The following KCNQ3 variants were observed in gnomAD, a reference collection of about 807,000 sequenced individuals.
The protein encoded by KCNQ3 is potassium voltage-gated channel subfamily KQT member 3.
A neutral mutation model predicts 92.5 loss-of-function variants in KCNQ3; 30 were observed. The ratio of observed to expected loss-of-function variants is 0.32; its 90% confidence interval spans 0.24 to 0.44. The LOEUF is 0.44. KCNQ3 is among the 20% of genes least tolerant of loss of function. The pLI is 1.00. For synonymous variants in KCNQ3, 450 were observed against 468.8 expected, an observed-to-expected ratio of 0.96 and a Z score of 0.52; for missense variants, 913 against 1,140.3, an observed-to-expected ratio of 0.80 and a Z score of 2.87.
chr8:132,208,767 C>G (rs1001128156), intron 1 of KCNQ3, among the ~76,000 whole-genome samples: 2 of 152,142 alleles, frequency 1.3e-5, no homozygotes, highest in African/African-American at 4.8e-5. Context: ...AATCAAAAGA[C>G]TTCTTAGAGC....
At chr8:132,245,733 T>C (rs1815151518) in intron 1 of KCNQ3, among the ~76,000 whole-genome samples, 1 of 152,176 alleles carries the variant, frequency 6.6e-6, no homozygotes, top group Admixed American at 6.5e-5. Flanking sequence ...TATTAGAACA[T>C]TTAGATTATC....
chr8:132,433,204 A>T (rs571766002), intron 1 of KCNQ3, among the ~76,000 whole-genome samples: 1 of 152,178 alleles, frequency 6.6e-6, no homozygotes, highest in African/African-American at 2.4e-5. Flanking sequence ...ACTCATCTGG[A>T]TCATTAGCCC....
chr8:132,276,543 C>A (rs76314544), intron 1 of KCNQ3, among the ~76,000 whole-genome samples: 2,748 of 152,286 alleles, frequency 0.018, 80 homozygotes, highest in African/African-American at 0.063. Context: ...ACAAGGCAGC[C>A]CATTCTAATT....
intron 1 of KCNQ3, among the ~76,000 whole-genome samples, chr8:132,270,341 A>G (rs948403582): frequency 1.3e-5 from 2 of 152,228 alleles, no homozygotes; most frequent in African/African-American, 2.4e-5. Flanking sequence ...ATACGCAGGA[A>G]GTCCTAGTCA....
At chr8:132,356,106 T>C (rs1292403468) in intron 1 of KCNQ3, among the ~76,000 whole-genome samples, 1 of 152,186 alleles carries the variant, frequency 6.6e-6, no homozygotes, top group East Asian at 1.9e-4. Flanking sequence ...CACAGGGCCA[T>C]TGGTGGATCT....
intron 1 of KCNQ3, 72 bp from the exon 2 acceptor site, chr8:132,186,253 G>GGT: frequency 9.1e-7 from 1 of 1,095,558 alleles, no homozygotes; most frequent in Non-Finnish European, 1.4e-6. Context: ...GATGGGGAAA[G>GGT]GTGTCTTCCA....
chr8:132,191,265 AG>A (rs1480711609), intron 1 of KCNQ3, among the ~76,000 whole-genome samples: 1 of 152,096 alleles, frequency 6.6e-6, no homozygotes, highest in Non-Finnish European at 1.5e-5. Flanking sequence ...TCCCATCTGT[AG>A]TAGCTGGGAC....
intron 9 of KCNQ3, among the ~76,000 whole-genome samples, chr8:132,160,560 GTAT>G (rs138692504): frequency 6.6e-6 from 1 of 152,192 alleles, no homozygotes; most frequent in African/African-American, 2.4e-5. Flanking sequence ...ATGTAAATAT[GTAT>G]TATATTTATG....
intron 1 of KCNQ3, among the ~76,000 whole-genome samples, chr8:132,272,375 G>A (rs1563834745): frequency 1.3e-5 from 2 of 152,212 alleles, no homozygotes; most frequent in Non-Finnish European, 2.9e-5. Context: ...CATGGCCAAA[G>A]CTACCCTTTC....
At chr8:132,134,495 A>AAGTGG in intron 12 of KCNQ3, 107 bp from the exon 13 acceptor site, 1 of 791,206 alleles carries the variant, frequency 1.3e-6, no homozygotes, top group Non-Finnish European at 2.1e-6. Context: ...TGGAATATAT[A>AAGTGG]AGAGGAGAGG....
chr8:132,208,100 C>T (rs1443243975), intron 1 of KCNQ3, among the ~76,000 whole-genome samples: 1 of 152,112 alleles, frequency 6.6e-6, no homozygotes. Context: ...TTTATATTTA[C>T]TTTCACAGTC....
chr8:132,207,341 C>T (rs567869614), intron 1 of KCNQ3, among the ~76,000 whole-genome samples: 1 of 152,286 alleles, frequency 6.6e-6, no homozygotes, highest in East Asian at 1.9e-4. Context: ...TGTATTGCTG[C>T]TTTAACAGGT....
intron 1 of KCNQ3, among the ~76,000 whole-genome samples, chr8:132,276,118 A>T (rs1816321867): frequency 6.6e-6 from 1 of 152,170 alleles, no homozygotes; most frequent in Non-Finnish European, 1.5e-5. Context: ...TGATTCTAGG[A>T]CTGCTGTTTC....
chr8:132,366,792 C>T (rs188955711), intron 1 of KCNQ3, among the ~76,000 whole-genome samples: 24 of 152,158 alleles, frequency 1.6e-4, no homozygotes, highest in African/African-American at 5.8e-4. Flanking sequence ...TGTTACATAC[C>T]AGAACAAATT....
At chr8:132,203,346 G>A (rs1416163695) in intron 1 of KCNQ3, among the ~76,000 whole-genome samples, 3 of 152,152 alleles carry the variant, frequency 2.0e-5, no homozygotes, top group Non-Finnish European at 4.4e-5. Context: ...CAAGCATCAT[G>A]AGGAGCTCCT....
chr8:132,440,333 G>A (rs373807480), intron 1 of KCNQ3, among the ~76,000 whole-genome samples: 77 of 152,182 alleles, frequency 5.1e-4, no homozygotes, highest in African/African-American at 1.7e-3. Context: ...TCTTTCCACC[G>A]TTTTCCCTGC....
At chr8:132,213,859 G>A (rs1192278564) in intron 1 of KCNQ3, among the ~76,000 whole-genome samples, 4 of 152,180 alleles carry the variant, frequency 2.6e-5, no homozygotes, top group African/African-American at 9.7e-5. Flanking sequence ...TTATGAAACT[G>A]CATGAGAAAT....
intron 1 of KCNQ3, among the ~76,000 whole-genome samples, chr8:132,305,590 G>A (rs947866469): frequency 1.3e-5 from 2 of 152,134 alleles, no homozygotes; most frequent in African/African-American, 4.8e-5. Context: ...CAGGAGCCAG[G>A]AGAGCAGGAA....
At chr8:132,348,015 T>C (rs2130699337) in intron 1 of KCNQ3, among the ~76,000 whole-genome samples, 1 of 150,844 alleles carries the variant, frequency 6.6e-6, no homozygotes, top group South Asian at 2.1e-4. Context: ...AAACCCACTA[T>C]TCCAGATAAG....
Sources: gnomAD v4.1 joint callset for allele counts (sites outside exome capture counted in the v4.1 genomes callset) on GRCh38, gnomAD v4.1.1 for gene constraint, MANE v1.5 for transcripts, NCBI Gene and HGNC (gene_info 2026-07-23, HGNC 2026-07-21) for gene names.